TTC21B: variants seen among roughly 807,000 people sequenced by gnomAD.
TTC21B encodes the protein tetratricopeptide repeat domain 21B, also known as tetratricopeptide repeat protein 21B.
In TTC21B, 127 loss-of-function variants were observed where a neutral mutation model predicts 175.1. That is an observed-to-expected ratio of 0.73 (90% CI 0.63 to 0.84). The LOEUF is 0.84. Ranked by LOEUF, TTC21B falls within the 40% of genes least tolerant of loss-of-function variation. The pLI, the probability that TTC21B is intolerant of heterozygous loss-of-function variation, is 0.00. For synonymous variants in TTC21B, 524 were observed against 524.5 expected (o/e 1.00, Z 0.01); for missense variants, 1,561 against 1,558.3 (o/e 1.00, Z -0.03).
chr2:165,888,370 C>A lies in TTC21B; in HGVS notation c.3368G>T (p.Arg1123Leu), dbSNP rs773696688. 4 of 1,613,580 alleles carry A rather than the reference C, an allele frequency of 2.5e-6. No homozygotes were observed. The South Asian group carries it at 3.3e-5, about 13-fold the overall frequency. The change falls in exon 25 of 29, where the codon CGC (arginine) becomes CTC (leucine). Residue 1123 changes from arginine (R) to leucine (L), a missense_variant. Physicochemically the swap from Arg to Leu is moderately radical, Grantham distance 102. Coordinates refer to ENST00000243344, the MANE Select transcript of TTC21B (RefSeq NM_024753.5). ...CATTAAGCAATAGTTTTCCATTATG[C>A]GAAGCTGTACGTGACCCTGAACAGT... ...PQTVQGHVQL[R>L]IMENYCLMAT...
chr2:165,875,206 T>A (rs1007246618), intron 28 of TTC21B, among the ~76,000 whole-genome samples: 1 of 152,172 alleles, frequency 6.6e-6, no homozygotes, highest in East Asian at 1.9e-4. Context: ...ACATTAGCTT[T>A]ACCTGAAATG....
intron 6 of TTC21B, 118 bp from the exon 7 acceptor site, chr2:165,933,175 C>T: frequency 1.4e-6 from 1 of 737,052 alleles, no homozygotes. Context: ...GTAATTTTCA[C>T]TAGTAAAATG....
intron 6 of TTC21B, among the ~76,000 whole-genome samples, chr2:165,938,892 A>C (rs570121378): frequency 1.1e-3 from 175 of 152,298 alleles, no homozygotes; most frequent in African/African-American, 4.0e-3. Flanking sequence ...TATTTAAAAA[A>C]CACAATATTT....
Position 165,917,431 on chromosome 2 carries a change from T to C in TTC21B, c.1725A>G (p.Lys575=), listed in dbSNP as rs771273516. The C allele has an allele frequency of 8.4e-5, 135 of 1,614,002 alleles. No homozygotes were observed. In the South Asian group the frequency reaches 1.4e-3, roughly 17 times the overall value. Residue 575 remains lysine, a synonymous_variant, in exon 14 of 29, where the codon AAA becomes AAG. Coordinates refer to ENST00000243344, the MANE Select transcript of TTC21B (RefSeq NM_024753.5). ...YHLIKAQSQK[K]MGEIADAIKT... is the part of the protein sequence containing the mutation. The stretch of plus-strand genomic sequence containing the variant: ...TAATTGCGTCTGCTATTTCTCCCAT[T>C]TTCTTTTGTGACTGAGCTTTTATCA...
chr2:165,930,140 A>G (rs1162707433), intron 9 of TTC21B, 32 bp downstream of exon 9: 1 of 1,588,090 alleles, frequency 6.3e-7, no homozygotes, highest in African/African-American at 1.3e-5. Flanking sequence ...TTGTATCTAT[A>G]TTATAAATAT....
At position 165,941,196 on chromosome 2, in the gene TTC21B, GA is replaced by G. The variant is rs749999474; in HGVS notation, c.553-13del. On this transcript the variant is annotated splice_polypyrimidine_tract_variant and intron_variant, in intron 5 of 28. Coordinates refer to ENST00000243344, the MANE Select transcript of TTC21B (RefSeq NM_024753.5). ...TCAAGGCATTGTGCCTAATGGAAGG[GA>G]AAAAAAGTGATATCCAAACTGTGAT... The G allele has an allele frequency of 5.6e-5, 91 of 1,613,426 alleles. No homozygotes were observed. In the African/African-American group the frequency reaches 1.1e-3, roughly 19 times the overall value.
In TTC21B at chr2:165,913,588, T is replaced by G. The variant is rs772826953; in HGVS notation, c.2197A>C (p.Met733Leu). 1 of 1,612,382 alleles carries G rather than the reference T, an allele frequency of 6.2e-7. No individual in the cohort carries two copies. Among genetic ancestry groups the G allele is most frequent in the South Asian group, 1.1e-5 (1 of 91,024 alleles). Residue 733 changes from methionine to leucine, a missense_variant, in exon 16 of 29, where the codon ATG becomes CTG. Met to Leu is a conservative substitution (Grantham distance 15). Coordinates refer to ENST00000243344, the MANE Select transcript of TTC21B (RefSeq NM_024753.5). ...RSFLLLGDAY[M>L]NILEPEEAIV... ...AGAAATTTTACCTCTAGAATATTCA[T>G]GTATGCATCACCAAGGAGAAGAAAA...
intron 27 of TTC21B, among the ~76,000 whole-genome samples, chr2:165,878,972 G>A (rs1055976763): frequency 5.9e-5 from 9 of 152,026 alleles, no homozygotes; most frequent in African/African-American, 2.2e-4. Context: ...GTGAGCCACT[G>A]CGCCTGGCCA....
chr2:165,915,352 G>A lies in TTC21B; in HGVS notation c.1987C>T (p.Leu663Phe), dbSNP rs1297830363. ...EVRVTIANAD[L>F]ALAQGDIERA... is the part of the protein sequence containing the mutation. ...TCAATATCTCCTTGGGCTAGAGCAA[G>A]GTCTGCATTAGCAATGGTAACCCGC... is the stretch of plus-strand genomic sequence containing the variant. The change falls in exon 15 of 29, where the codon CTT becomes TTT. Residue 663 changes from leucine (L) to phenylalanine (F), a missense_variant. Leu to Phe is a conservative substitution (Grantham distance 22, BLOSUM62 0). Coordinates refer to ENST00000243344, the MANE Select transcript of TTC21B (RefSeq NM_024753.5). The A allele has an allele frequency of 2.5e-6, 4 of 1,614,098 alleles. No homozygotes were observed. The African/African-American group carries it at 5.3e-5, about 22-fold the overall frequency.
chr2:165,936,763 T>C (rs1310408306), intron 6 of TTC21B, among the ~76,000 whole-genome samples: 1 of 152,036 alleles, frequency 6.6e-6, no homozygotes, highest in Admixed American at 6.6e-5. Flanking sequence ...ACAAACCTAT[T>C]AGAATGGCCA....
At chr2:165,941,259 G>A in intron 5 of TTC21B, 75 bp from the exon 6 acceptor site, 1 of 1,518,780 alleles carries the variant, frequency 6.6e-7, no homozygotes, top group African/African-American at 1.4e-5. Context: ...AGAGCAGGCA[G>A]AGTATGAGCG....
rs935582192 is a variant in TTC21B, at chr2:165,908,217, T to C, written c.2462-433A>G. Among the ~76,000 whole-genome samples, 7 of 152,324 alleles carry C rather than the reference T, an allele frequency of 4.6e-5. 1 individual carries two copies. In the East Asian group the frequency reaches 1.3e-3, roughly 29 times the overall value. On this transcript the variant is annotated intron_variant, in intron 18 of 28. Coordinates refer to ENST00000243344, the MANE Select transcript of TTC21B (RefSeq NM_024753.5). ...GTACAGTTGTTAAGAGCACTGACTT[T>C]GATGTTGAATGGTCTGGTTTCAAAT...
intron 20 of TTC21B, among the ~76,000 whole-genome samples, chr2:165,901,480 C>G (rs575907764): frequency 6.6e-6 from 1 of 151,938 alleles, no homozygotes; most frequent in Non-Finnish European, 1.5e-5. Context: ...CCCCCCACCA[C>G]GCTGGCTAAT....
chr2:165,907,984 T>C (rs796107765), intron 18 of TTC21B, among the ~76,000 whole-genome samples, 200 bp from the exon 19 acceptor site: 45 of 151,808 alleles, frequency 3.0e-4, no homozygotes, highest in African/African-American at 1.1e-3. Flanking sequence ...ACTGGCTGGA[T>C]GAAAAGTTAA....
At chr2:165,922,482 C>T (rs62177814) in intron 12 of TTC21B, among the ~76,000 whole-genome samples, 44,321 of 148,880 alleles carry the variant, frequency 0.3, 7,422 homozygotes, top group Non-Finnish European at 0.39. Flanking sequence ...AAATGCTCAA[C>T]GTCACTGATC....
At position 165,878,597 on chromosome 2, in the gene TTC21B, A is replaced by C. The variant is rs914169963; in HGVS notation, c.3805+2082T>G. Among the ~76,000 whole-genome samples, 19 of 152,124 alleles carry C rather than the reference A, an allele frequency of 1.2e-4. 1 individual carries two copies. The highest frequency in any genetic ancestry group is 3.9e-4 in the Admixed American group (6 of 15,262). ...TTATAAATGATTACTGCAGTCAAGCAAATTATCCATTCATCATTCATCCTG... is the reference window on the plus strand; with the variant it reads ...TTATAAATGATTACTGCAGTCAAGCCAATTATCCATTCATCATTCATCCTG... On this transcript the variant is annotated intron_variant, in intron 27 of 28. Transcript: ENST00000243344.
chr2:165,880,840 T>C, intron 26 of TTC21B, 41 bp from the exon 27 acceptor site: 1 of 1,598,954 alleles, frequency 6.3e-7, no homozygotes, highest in Non-Finnish European at 8.5e-7. Context: ...AAACTTGATA[T>C]CACTAAGATT....
intron 19 of TTC21B, among the ~76,000 whole-genome samples, chr2:165,903,942 T>C (rs1280027357): frequency 6.6e-6 from 1 of 152,224 alleles, no homozygotes; most frequent in Non-Finnish European, 1.5e-5. Context: ...AAGAATGTTA[T>C]AATTCTTCAA....
At chr2:165,934,513 A>AG (rs1687045401) in intron 6 of TTC21B, among the ~76,000 whole-genome samples, 1 of 146,848 alleles carries the variant, frequency 6.8e-6, no homozygotes, top group Non-Finnish European at 1.5e-5. Flanking sequence ...AAAAAAAAAA[A>AG]AAAAAAAAGA....
Sources: gnomAD v4.1 joint callset for allele counts (sites outside exome capture counted in the v4.1 genomes callset) on GRCh38, gnomAD v4.1.1 for gene constraint, MANE v1.5 for transcripts, NCBI Gene and HGNC (gene_info 2026-07-23, HGNC 2026-07-21) for gene names.